FAR1: variants seen among roughly 807,000 people sequenced by gnomAD.
FAR1 encodes male sterility domain-containing protein 2.
In FAR1, 22 loss-of-function variants were observed where a neutral mutation model predicts 61.1. That is an observed-to-expected ratio of 0.36 (90% CI 0.26 to 0.51). The LOEUF (loss-of-function observed/expected upper bound fraction) is 0.51, where lower values mean the gene tolerates loss of function less well. FAR1 is among the 20% of genes least tolerant of loss of function. FAR1 has a pLI of 0.95. For missense variants in FAR1, 359 were observed against 626.9 expected (o/e 0.57, Z 4.56); for synonymous variants, 206 against 209.7 (o/e 0.98, Z 0.15).
At chr11:13,722,452 A>G (rs1332162296) in intron 10 of FAR1, among the ~76,000 whole-genome samples, 2 of 151,860 alleles carry the variant, frequency 1.3e-5, no homozygotes, top group Admixed American at 1.3e-4. Flanking sequence ...TTAATACATT[A>G]CTTCAGTTCT....
At chr11:13,693,859 A>G (rs933216123) in intron 1 of FAR1, among the ~76,000 whole-genome samples, 5 of 152,048 alleles carry the variant, frequency 3.3e-5, no homozygotes, top group African/African-American at 1.2e-4. Flanking sequence ...ATGAACATAT[A>G]TTTTTTAATT....
intron 1 of FAR1, among the ~76,000 whole-genome samples, chr11:13,682,858 C>T (rs1271332372): frequency 6.6e-6 from 1 of 152,082 alleles, no homozygotes; most frequent in African/African-American, 2.4e-5. Flanking sequence ...GCAATCTGCC[C>T]ACCTTGGCCT....
Position 13,731,806 on chromosome 11 carries a change from C to T in FAR1, c.*3032C>T, listed in dbSNP as rs1251003513. 1 of 152,148 alleles carries T rather than the reference C, an allele frequency of 6.6e-6. No individual in the cohort carries two copies. Among genetic ancestry groups the T allele is most frequent in the African/African-American group, 2.4e-5 (1 of 41,440 alleles). The allele number at this position is 152,148 out of a possible 1,614,324, so 9.4% of individuals were successfully genotyped here. On this transcript the variant is annotated 3_prime_UTR_variant, in exon 12 of 12. Coordinates refer to ENST00000354817, the MANE Select transcript of FAR1 (RefSeq NM_032228.6). ...ATTGGGTTCCAGCTGCTCTCCTCCACATTGAATGATATCTTGTTAATTTAT... is the reference window on the plus strand; with the variant it reads ...ATTGGGTTCCAGCTGCTCTCCTCCATATTGAATGATATCTTGTTAATTTAT...
At chr11:13,723,387 C>CAA in intron 10 of FAR1, 1 of 390,146 alleles carries the variant, frequency 2.6e-6, no homozygotes, top group Non-Finnish European at 4.9e-6. Flanking sequence ...AAAAAAACCC[C>CAA]AAAAAAAAAC....
intron 1 of FAR1, among the ~76,000 whole-genome samples, chr11:13,692,189 A>G (rs893254781): frequency 6.6e-6 from 1 of 152,178 alleles, no homozygotes; most frequent in Non-Finnish European, 1.5e-5. Context: ...TTTAAGCACC[A>G]ACATGATGCT....
At chr11:13,718,500 G>C (rs923119094) in intron 9 of FAR1, among the ~76,000 whole-genome samples, 2 of 152,060 alleles carry the variant, frequency 1.3e-5, no homozygotes, top group African/African-American at 2.4e-5. Flanking sequence ...ATGTTTTCCT[G>C]GTCCTTTCAC....
chr11:13,702,914 T>A (rs549294679), intron 3 of FAR1, among the ~76,000 whole-genome samples: 1 of 152,346 alleles, frequency 6.6e-6, no homozygotes, highest in Admixed American at 6.5e-5. Context: ...GAAAAGGACA[T>A]CTTCTCGTTA....
chr11:13,687,449 G>A (rs1270680266), intron 1 of FAR1, among the ~76,000 whole-genome samples: 3 of 152,182 alleles, frequency 2.0e-5, no homozygotes, highest in African/African-American at 2.4e-5. Context: ...GATGACAGGC[G>A]CTTGTAGATA....
chr11:13,732,044 C>T lies in FAR1; in HGVS notation c.*3270C>T, dbSNP rs564432201. 1 of 151,842 alleles carries T rather than the reference C, an allele frequency of 6.6e-6. No individual in the cohort carries two copies. Among genetic ancestry groups the T allele is most frequent in the East Asian group, 1.9e-4 (1 of 5,166 alleles). The allele number at this position is 151,842 out of a possible 1,614,324, so 9.4% of individuals were successfully genotyped here. On this transcript the variant is annotated 3_prime_UTR_variant, in exon 12 of 12. Coordinates refer to ENST00000354817, the MANE Select transcript of FAR1 (RefSeq NM_032228.6). ...CTTGCTCTGTTTTGAGAAAAACTTT[C>T]CAAACTTTTGCATGAGAAACTAGAA...
intron 9 of FAR1, among the ~76,000 whole-genome samples, chr11:13,714,997 T>G (rs1591269340): frequency 1.3e-5 from 2 of 152,306 alleles, no homozygotes; most frequent in East Asian, 3.9e-4. Context: ...AGTCATTCCT[T>G]CAAGATGAAT....
intron 2 of FAR1, among the ~76,000 whole-genome samples, chr11:13,696,486 G>A (rs1848307458): frequency 6.6e-6 from 1 of 152,098 alleles, no homozygotes; most frequent in Non-Finnish European, 1.5e-5. Flanking sequence ...CTTCTTCGGG[G>A]TCTTCAGAGC....
chr11:13,721,937 T>C lies in FAR1; in HGVS notation c.1257+78T>C, dbSNP rs1275756176. The C allele has an allele frequency of 1.5e-5, 18 of 1,216,608 alleles. No homozygotes were observed. The highest frequency in any genetic ancestry group is 2.1e-5 in the Non-Finnish European group (18 of 876,504). 75.4% of individuals were successfully genotyped at this position (1,216,608 alleles called of 1,614,324 possible). ...AGAACTATTAGCAACCTGAGAAATA[T>C]TTTCCACAGCTATTATGCAACAAGT... On this transcript the variant is annotated intron_variant, in intron 10 of 11. Transcript: ENST00000354817. The surrounding 1 kb of genome is among the most constrained non-coding windows in gnomAD (Gnocchi z 4.2).
chr11:13,701,057 A>G (rs148391645), intron 3 of FAR1, among the ~76,000 whole-genome samples: 25 of 152,216 alleles, frequency 1.6e-4, no homozygotes, highest in African/African-American at 2.9e-4. Flanking sequence ...AATGTCCACT[A>G]TTCTTAAAAA....
At chr11:13,695,262 A>T (rs1037688050) in intron 2 of FAR1, among the ~76,000 whole-genome samples, 3 of 152,162 alleles carry the variant, frequency 2.0e-5, no homozygotes, top group African/African-American at 7.2e-5. Context: ...AATAATTTAA[A>T]TAGCCTTGAT....
chr11:13,683,550 T>A (rs1237924824), intron 1 of FAR1, among the ~76,000 whole-genome samples: 4 of 151,864 alleles, frequency 2.6e-5, no homozygotes, highest in Admixed American at 6.6e-5. Context: ...TGTTTTTTTT[T>A]AACAATTTTT....
At chr11:13,696,061 A>G (rs1278354802) in intron 2 of FAR1, among the ~76,000 whole-genome samples, 1 of 152,130 alleles carries the variant, frequency 6.6e-6, no homozygotes, top group East Asian at 1.9e-4. Flanking sequence ...AGAGTCATCA[A>G]TGGGGCTGTA....
chr11:13,728,768 AT>A lies in FAR1; in HGVS notation c.1543del (p.Tyr515ThrfsTer17). On this transcript the variant is annotated frameshift_variant, in exon 12 of 12. Transcript: ENST00000354817. LOFTEE classifies it high-confidence loss of function. The stretch of plus-strand genomic sequence containing the variant: ...ACTTCCGAGCATCCAGCACTATGAG[AT>A]ACTGAAGACCAAGGATTCAGCATTA... ...SYFRASSTMR[Y>X] 1 of 1,610,954 alleles carries A rather than the reference AT, an allele frequency of 6.2e-7. No individual in the cohort carries two copies. The highest frequency in any genetic ancestry group is 8.5e-7 in the Non-Finnish European group (1 of 1,177,842).
At chr11:13,690,798 T>A (rs1359352704) in intron 1 of FAR1, among the ~76,000 whole-genome samples, 1 of 152,226 alleles carries the variant, frequency 6.6e-6, no homozygotes, top group Non-Finnish European at 1.5e-5. Context: ...ATATTGACTT[T>A]AAGGATGGTA....
At chr11:13,708,911 G>C (rs138279489) in intron 4 of FAR1, among the ~76,000 whole-genome samples, 3 of 152,152 alleles carry the variant, frequency 2.0e-5, no homozygotes, top group Non-Finnish European at 2.9e-5. Context: ...AGTATTGATA[G>C]ATAGGGATTA....
Sources: gnomAD v4.1 joint callset for allele counts (sites outside exome capture counted in the v4.1 genomes callset) on GRCh38, gnomAD v4.1.1 for gene constraint, Gnocchi (gnomAD v3.1) non-coding constraint, MANE v1.5 for transcripts, NCBI Gene and HGNC (gene_info 2026-07-23, HGNC 2026-07-21) for gene names.